The following VAPB variants were observed in gnomAD, a reference collection of about 807,000 sequenced individuals.
VAPB encodes VAMP associated protein B and C, also known as vesicle-associated membrane protein-associated protein B/C.
Under a neutral mutation model 25.6 loss-of-function variants are expected in VAPB, and 7 were observed. That is an observed-to-expected ratio of 0.27 (90% CI 0.16 to 0.51). VAPB has a LOEUF of 0.51. Among genes scored for constraint, VAPB ranks in the 20% least tolerant of loss-of-function variants. The pLI is 0.97. For synonymous variants in VAPB, 112 were observed against 109.2 expected (o/e 1.03, Z -0.16); for missense variants, 266 against 301.3 (o/e 0.88, Z 0.87).
chr20:58,418,412 G>C (rs1471428359), intron 2 of VAPB, 49 bp downstream of exon 2: 2 of 1,598,846 alleles, frequency 1.3e-6, no homozygotes, highest in African/African-American at 2.7e-5. Flanking sequence ...AAGGCCCCTG[G>C]ACAGTAGGTT....
In VAPB at chr20:58,395,538, A is replaced by G. The variant is rs1987936380; in HGVS notation, c.58+6021A>G. ...GGACGAATGAGCACAGCTTTCAACT[A>G]GATGACAAGAAAGATGAATACAAAG... On this transcript the variant is annotated intron_variant, in intron 1 of 5. Transcript: ENST00000475243. Among the ~76,000 whole-genome samples the G allele has an allele frequency of 2.0e-5, 3 of 152,268 alleles. No individual in the cohort carries two copies. In the South Asian group the frequency reaches 6.2e-4, roughly 32 times the overall value.
intron 4 of VAPB, chr20:58,440,658 C>T (rs1989138928): frequency 4.9e-6 from 2 of 405,778 alleles, no homozygotes; most frequent in Non-Finnish European, 4.6e-6. Context: ...AGCCCTTTTT[C>T]TCTTTCTTTG....
At chr20:58,439,180 C>A in intron 4 of VAPB, 155 bp downstream of exon 4, 1 of 692,196 alleles carries the variant, frequency 1.4e-6, no homozygotes, top group Non-Finnish European at 2.5e-6. Flanking sequence ...AATAAGTGGG[C>A]CTTTATGAAA....
chr20:58,440,705 T>C (rs900468842), intron 4 of VAPB: 1 of 510,998 alleles, frequency 2.0e-6, no homozygotes, highest in Non-Finnish European at 3.5e-6. Flanking sequence ...TATTTGCCCT[T>C]ATCCATAATT....
rs768881389 is a variant in VAPB at position 58,389,413 on chromosome 20, G to C, written c.-47G>C. On this transcript the variant is annotated 5_prime_UTR_variant, in exon 1 of 6. Coordinates refer to ENST00000475243, the MANE Select transcript of VAPB (RefSeq NM_004738.5). ...CAGCATTAACGCTTCCCGCCCCGGT[G>C]ACCTCTCAGGGGTCTCCCCGCCAAA... The C allele has an allele frequency of 1.5e-5, 23 of 1,561,932 alleles. 1 individual carries two copies. The Admixed American group carries it at 3.4e-4, about 23-fold the overall frequency.
chr20:58,425,508 A>G (rs1041675645), intron 2 of VAPB, among the ~76,000 whole-genome samples: 8 of 152,378 alleles, frequency 5.3e-5, no homozygotes, highest in South Asian at 2.1e-4. Context: ...TAAAACATTA[A>G]GTTCTGGTCT....
chr20:58,394,893 A>C (rs1321040166), intron 1 of VAPB, among the ~76,000 whole-genome samples: 1 of 152,228 alleles, frequency 6.6e-6, no homozygotes, highest in African/African-American at 2.4e-5. Flanking sequence ...AATTAGTCTG[A>C]ATTGATGCTT....
intron 1 of VAPB, among the ~76,000 whole-genome samples, chr20:58,389,775 C>A (rs967613484): frequency 6.6e-6 from 1 of 152,180 alleles, no homozygotes; most frequent in Non-Finnish European, 1.5e-5. Context: ...GACTTGCCTT[C>A]GAGGCACTTG....
chr20:58,399,897 A>G (rs1988055669), intron 1 of VAPB, among the ~76,000 whole-genome samples: 1 of 152,082 alleles, frequency 6.6e-6, no homozygotes, highest in Admixed American at 6.6e-5. Context: ...TCATGTCCTC[A>G]ATACCTGTCG....
At chr20:58,416,827 G>T (rs1345705354) in intron 1 of VAPB, among the ~76,000 whole-genome samples, 1 of 151,216 alleles carries the variant, frequency 6.6e-6, no homozygotes, top group Non-Finnish European at 1.5e-5. Context: ...TCTTAATTTT[G>T]CTGGAGATAA....
intron 2 of VAPB, among the ~76,000 whole-genome samples, chr20:58,433,478 C>T (rs956922655): frequency 7.2e-5 from 11 of 152,158 alleles, no homozygotes; most frequent in African/African-American, 2.4e-4. Context: ...AGAAGCCCTG[C>T]TGGTGAGAAG....
At chr20:58,443,521 C>T (rs1331298802) in intron 5 of VAPB, among the ~76,000 whole-genome samples, 2 of 151,222 alleles carry the variant, frequency 1.3e-5, no homozygotes, top group Non-Finnish European at 2.9e-5. Flanking sequence ...CTCCTGAGCT[C>T]AGGTGATCCA....
At chr20:58,424,976 C>A (rs185948474) in intron 2 of VAPB, among the ~76,000 whole-genome samples, 10 of 152,378 alleles carry the variant, frequency 6.6e-5, no homozygotes, top group Non-Finnish European at 1.5e-4. Context: ...GTCATGATCT[C>A]AACGTGTTCT....
intron 1 of VAPB, among the ~76,000 whole-genome samples, chr20:58,410,940 A>T (rs1014227512): frequency 1.3e-5 from 2 of 152,184 alleles, no homozygotes; most frequent in East Asian, 3.9e-4. Context: ...TTATCCACTC[A>T]CAAAATGCTT....
rs143902869 is a variant in VAPB, at chr20:58,446,827, G to A, written c.*2592G>A. The A allele has an allele frequency of 5.6e-4, 254 of 454,084 alleles. No homozygotes were observed. Among genetic ancestry groups the A allele is most frequent in the African/African-American group, 4.3e-3 (217 of 50,120 alleles). 28.1% of individuals were successfully genotyped at this position (454,084 alleles called of 1,614,324 possible). ...GGCAGCCAAAAATGTGCCAGGAAAAGAAAGAATGTGGAGCACGCGTGGCTC... is the reference window on the plus strand; with the variant it reads ...GGCAGCCAAAAATGTGCCAGGAAAAAAAAGAATGTGGAGCACGCGTGGCTC... On this transcript the variant is annotated 3_prime_UTR_variant, in exon 6 of 6. Coordinates refer to ENST00000475243, the MANE Select transcript of VAPB (RefSeq NM_004738.5).
chr20:58,412,165 T>G (rs1988395393), intron 1 of VAPB, among the ~76,000 whole-genome samples: 1 of 152,238 alleles, frequency 6.6e-6, no homozygotes, highest in Non-Finnish European at 1.5e-5. Flanking sequence ...TTTGGTGTTG[T>G]AAGTAGTCAT....
At chr20:58,414,781 TG>T (rs1236432258) in intron 1 of VAPB, among the ~76,000 whole-genome samples, 1 of 142,068 alleles carries the variant, frequency 7.0e-6, no homozygotes, top group East Asian at 2.2e-4. Flanking sequence ...TCCCAGACGA[TG>T]GGTGGCCAGG....
chr20:58,448,589 C>T lies in VAPB; in HGVS notation c.*4354C>T, dbSNP rs1436364627. 1.3e-5 allele frequency: 6 copies of T among 454,086 alleles called. 1 individual carries two copies. The highest frequency in any genetic ancestry group is 9.3e-5 in the South Asian group (6 of 64,464). 28.1% of individuals were successfully genotyped at this position (454,086 alleles called of 1,614,324 possible). A position where few individuals can be genotyped will look rare whatever the true frequency, so the allele number is the denominator to read the frequency against. ...GGCCTACATTGCTAAGATACCATTT[C>T]AGCTCTGAAAATCTGCTTCAGGGAA... On this transcript the variant is annotated 3_prime_UTR_variant, in exon 6 of 6. Coordinates refer to ENST00000475243, the MANE Select transcript of VAPB (RefSeq NM_004738.5).
rs778309570 is a variant in VAPB, at chr20:58,389,449, C to T, written c.-11C>T. 5 of 1,590,936 alleles carry T rather than the reference C, an allele frequency of 3.1e-6. No individual in the cohort carries two copies. The highest frequency in any genetic ancestry group is 2.3e-5 in the East Asian group (1 of 43,586). On this transcript the variant is annotated 5_prime_UTR_variant, in exon 1 of 6. Transcript: ENST00000475243. Reference sequence around the variant, plus strand: ...GGTCTCCCCGCCAAAGGTGCTCCGCCGCTAAGGAACATGGCGAAGGTGGAG... The same window carrying T: ...GGTCTCCCCGCCAAAGGTGCTCCGCTGCTAAGGAACATGGCGAAGGTGGAG...
Sources: allele counts gnomAD v4.1 joint callset (sites outside exome capture counted in the v4.1 genomes callset), GRCh38; gene constraint gnomAD v4.1.1; transcripts MANE v1.5; gene names NCBI Gene and HGNC (gene_info 2026-07-23, HGNC 2026-07-21).